The following CASP6 variants were observed in gnomAD, a reference collection of about 807,000 sequenced individuals.
The protein encoded by CASP6 is caspase 6, also known as caspase-6.
A neutral mutation model predicts 31.8 loss-of-function variants in CASP6; 20 were observed. The observed-to-expected ratio is 0.63, with a 90% confidence interval of 0.44 to 0.91. The LOEUF is 0.91. Among genes scored for constraint, CASP6 ranks in the 40% least tolerant of loss-of-function variants. CASP6 has a pLI of 0.00. For synonymous variants in CASP6, 130 were observed against 127.8 expected, an observed-to-expected ratio of 1.02 and a Z score of -0.12; for missense variants, 328 against 361.1, an observed-to-expected ratio of 0.91 and a Z score of 0.74.
chr4:109,686,502 T>A (rs920361807), downstream of CASP6, among the ~76,000 whole-genome samples: 7 of 152,158 alleles, frequency 4.6e-5, no homozygotes, highest in South Asian at 2.1e-4. Context: ...ATAATGCTTT[T>A]AAAAAAAATT....
chr4:109,679,201 C>T, the CASP6 span, among the ~76,000 whole-genome samples: 8 of 151,448 alleles, frequency 5.3e-5, no homozygotes, highest in Non-Finnish European at 7.4e-5. Context: ...ACATCCCAGA[C>T]GATGGGTGGC....
upstream of CASP6, among the ~76,000 whole-genome samples, chr4:109,704,989 G>T (rs1329558327): frequency 6.6e-6 from 1 of 152,184 alleles, no homozygotes; most frequent in Non-Finnish European, 1.5e-5. Context: ...ACAGGTGTGA[G>T]CCACCGTGCC....
At chr4:109,700,381 G>A (rs575951416) in intron 1 of CASP6, among the ~76,000 whole-genome samples, 14 of 152,184 alleles carry the variant, frequency 9.2e-5, no homozygotes, top group African/African-American at 2.9e-4. Context: ...CGTTCTGGCC[G>A]GGCATAGTGG....
At chr4:109,686,484 G>A (rs138521777), downstream of CASP6, among the ~76,000 whole-genome samples, 5 of 152,236 alleles carry the variant, frequency 3.3e-5, no homozygotes, top group East Asian at 9.6e-4. Context: ...TCATTCTATA[G>A]GAAAAATATA....
intron 1 of CASP6, chr4:109,702,989 G>A (rs1730470291): frequency 3.5e-6 from 1 of 289,198 alleles, no homozygotes; most frequent in Non-Finnish European, 6.4e-6. Context: ...ACGGCCAGGT[G>A]TGGGGGAACG....
intron 4 of CASP6, 38 bp from the exon 5 acceptor site, chr4:109,694,738 A>G: frequency 1.4e-6 from 2 of 1,454,058 alleles, no homozygotes; most frequent in Non-Finnish European, 1.8e-6. Context: ...AAATGAAAAT[A>G]TGATGCTTGT....
chr4:109,684,202 A>G (rs1729781153), downstream of CASP6, among the ~76,000 whole-genome samples: 1 of 151,696 alleles, frequency 6.6e-6, no homozygotes, highest in Non-Finnish European at 1.5e-5. Flanking sequence ...ATCTGGGACT[A>G]CAGGCGCCTG....
chr4:109,669,215 T>C, the CASP6 span, among the ~76,000 whole-genome samples: 1 of 152,224 alleles, frequency 6.6e-6, no homozygotes, highest in Non-Finnish European at 1.5e-5. Context: ...GCAGGCCTGC[T>C]AGCAACAAAT....
rs753669944 is a variant in CASP6 at position 109,703,365 on chromosome 4, GC to G, written c.30del (p.His11ThrfsTer9). ...GACGCCCCCTGCCTACCTGCCGGGT[GC>G]CCCCTGCGGAGCCCCGAGGCCGAGC... MSSASGLRR[G>X]HPAGGEENMT... On this transcript the variant is annotated frameshift_variant, in exon 1 of 7. Transcript: ENST00000265164. LOFTEE classifies it high-confidence loss of function. 3.1e-6 allele frequency: 5 copies of G among 1,610,638 alleles called. No individual in the cohort carries two copies. Among genetic ancestry groups the G allele is most frequent in the South Asian group, 2.2e-5 (2 of 90,094 alleles).
In CASP6 at chr4:109,697,788, A is replaced by G; in HGVS notation, c.84-20T>C. The G allele has an allele frequency of 1.2e-6, 2 of 1,611,632 alleles. No homozygotes were observed. The highest frequency in any genetic ancestry group is 1.7e-6 in the Non-Finnish European group (2 of 1,179,118). On this transcript the variant is annotated intron_variant, in intron 2 of 6. Transcript: ENST00000265164. Reference sequence around the variant, plus strand: ...ATTTCTCTGTTAATGAAAAGTTGAAAAACAATCACTTCAAGTCATATTAAA... The same window carrying G: ...ATTTCTCTGTTAATGAAAAGTTGAAGAACAATCACTTCAAGTCATATTAAA...
At position 109,694,720 on chromosome 4, in the gene CASP6, G is replaced by A; in HGVS notation, c.308-20C>T. On this transcript the variant is annotated intron_variant, in intron 4 of 6. Transcript: ENST00000265164. ...TTGACACTATAAAGGACCCAAAAGA[G>A]AATATAGAAATGAAAATATGATGCT... 6.7e-7 allele frequency: 1 copy of A among 1,488,460 alleles called. No homozygotes were observed. Among genetic ancestry groups the A allele is most frequent in the Admixed American group, 2.5e-5 (1 of 40,740 alleles). The allele number at this position is 1,488,460 out of a possible 1,614,324, so 92.2% of individuals were successfully genotyped here.
upstream of CASP6, among the ~76,000 whole-genome samples, chr4:109,703,949 T>TTA (rs1464407701): frequency 2.6e-5 from 4 of 152,236 alleles, no homozygotes; most frequent in African/African-American, 9.6e-5. Flanking sequence ...TTTTTCATTG[T>TTA]TATTATGTCT....
At chr4:109,664,976 T>G in the CASP6 span, among the ~76,000 whole-genome samples, 1 of 152,158 alleles carries the variant, frequency 6.6e-6, no homozygotes, top group Non-Finnish European at 1.5e-5. Flanking sequence ...TAAAGCAGTT[T>G]TAGGTTCAAA....
chr4:109,679,167 G>A, the CASP6 span, among the ~76,000 whole-genome samples: 3 of 151,778 alleles, frequency 2.0e-5, no homozygotes, highest in African/African-American at 7.3e-5. Flanking sequence ...TCCCAGACGG[G>A]GCAGCTGGGC....
chr4:109,667,804 C>G, the CASP6 span, among the ~76,000 whole-genome samples: 1 of 151,496 alleles, frequency 6.6e-6, no homozygotes, highest in Non-Finnish European at 1.5e-5. Flanking sequence ...AGATTCCCCT[C>G]TGAGCATTGC....
chr4:109,687,990 C>CT (rs2126154247), downstream of CASP6: 1 of 158,798 alleles, frequency 6.3e-6, no homozygotes, highest in South Asian at 2.0e-4. Flanking sequence ...AGCAACCCTC[C>CT]TGCCTCAACC....
At chr4:109,694,757 CATAAAAATTCAGTTTATTAACACAAGA>C in intron 4 of CASP6, 57 bp from the exon 5 acceptor site, 2 of 1,397,160 alleles carry the variant, frequency 1.4e-6, no homozygotes, top group Non-Finnish European at 1.9e-6. Flanking sequence ...GTTATCTACA[CATAAAAATTCAGTTTATTAACACAAGA>C]ATAAAGTTAC....
chr4:109,670,060 C>A, the CASP6 span, among the ~76,000 whole-genome samples: 1 of 152,042 alleles, frequency 6.6e-6, no homozygotes, highest in Non-Finnish European at 1.5e-5. Flanking sequence ...GTGTTTTTTG[C>A]CTTTTAGTAA....
downstream of CASP6, chr4:109,685,193 A>C: frequency 1.4e-6 from 1 of 737,166 alleles, no homozygotes; most frequent in Non-Finnish European, 2.4e-6. Context: ...TCTTTCTTGC[A>C]GAGGCATTAT....
Sources: gnomAD v4.1 joint callset for allele counts (sites outside exome capture counted in the v4.1 genomes callset) on GRCh38, gnomAD v4.1.1 for gene constraint, MANE v1.5 for transcripts, NCBI Gene and HGNC (gene_info 2026-07-23, HGNC 2026-07-21) for gene names.